The following NHLRC2 variants were observed in gnomAD, a reference collection of about 807,000 sequenced individuals.
The protein encoded by NHLRC2 is NHL repeat containing 2.
In NHLRC2, 33 loss-of-function variants were observed where a neutral mutation model predicts 68.1. The ratio of observed to expected loss-of-function variants is 0.48; its 90% CI spans 0.37 to 0.65. The LOEUF is 0.65. NHLRC2 is among the 30% of genes least tolerant of loss of function. NHLRC2 has a pLI of 0.00. For synonymous variants in NHLRC2, 311 were observed against 309.6 expected (o/e 1.00, Z -0.05); for missense variants, 761 against 853.8 (o/e 0.89, Z 1.35).
chr10:113,904,512 A>G (rs1392138042), intron 9 of NHLRC2, among the ~76,000 whole-genome samples: 1 of 152,214 alleles, frequency 6.6e-6, no homozygotes, highest in Non-Finnish European at 1.5e-5. Flanking sequence ...AAGAAAATGT[A>G]TATCTAGCAT....
Position 113,858,682 on chromosome 10 carries a change from T to C in NHLRC2, c.331+2T>C. On this transcript the variant is annotated splice_donor_variant, in intron 2 of 10. Coordinates refer to ENST00000369301, the MANE Select transcript of NHLRC2 (RefSeq NM_198514.4). LOFTEE classifies it high-confidence loss of function. ...TAGAACACACATACTCTGATAAAGG[T>C]ATCTGCTCTTTAATTAGTTTCTAAC... 2 of 1,606,228 alleles carry C rather than the reference T, an allele frequency of 1.2e-6. No individual in the cohort carries two copies. Among genetic ancestry groups the C allele is most frequent in the Non-Finnish European group, 1.7e-6 (2 of 1,173,788 alleles).
chr10:113,884,466 C>A, intron 5 of NHLRC2, 86 bp downstream of exon 5: 2 of 1,066,826 alleles, frequency 1.9e-6, no homozygotes, highest in South Asian at 1.5e-5. Flanking sequence ...CATTTGGATT[C>A]CATTACTAGT....
chr10:113,896,392 C>T (rs1846177941), intron 5 of NHLRC2, among the ~76,000 whole-genome samples: 1 of 151,824 alleles, frequency 6.6e-6, no homozygotes, highest in East Asian at 1.9e-4. Flanking sequence ...TGGAAATCAT[C>T]ATTCTCAGTA....
chr10:113,873,416 A>G (rs1333129213), intron 2 of NHLRC2, among the ~76,000 whole-genome samples: 2 of 152,156 alleles, frequency 1.3e-5, no homozygotes, highest in African/African-American at 4.8e-5. Flanking sequence ...GAGAAGCACA[A>G]CTGGGTATAA....
At chr10:113,906,312 T>G (rs938198238) in intron 10 of NHLRC2, among the ~76,000 whole-genome samples, 8 of 152,170 alleles carry the variant, frequency 5.3e-5, no homozygotes, top group African/African-American at 1.9e-4. Flanking sequence ...TATAGAGACT[T>G]TATCTAATTT....
rs55683621 is a variant in NHLRC2, at chr10:113,858,197, C to T, written c.179-331C>T. Among the ~76,000 whole-genome samples the T allele has an allele frequency of 2.6e-3, 402 of 152,072 alleles. 2 individuals are homozygous for T. The highest frequency in any genetic ancestry group is 9.3e-3 in the African/African-American group (387 of 41,502). ...CCATCCTCTACTCCTCCTGCTCCCC[C>T]ACCCGTACCCCCATCCCTTCCTTTT... is the stretch of plus-strand genomic sequence containing the variant. On this transcript the variant is annotated intron_variant, in intron 1 of 10. Transcript: ENST00000369301.
At chr10:113,873,720 C>T (rs1297485774) in intron 2 of NHLRC2, among the ~76,000 whole-genome samples, 1 of 152,134 alleles carries the variant, frequency 6.6e-6, no homozygotes, top group Non-Finnish European at 1.5e-5. Context: ...CCAGAAAGAA[C>T]GTGCAAACAT....
chr10:113,890,534 C>T (rs941482015), intron 5 of NHLRC2, among the ~76,000 whole-genome samples: 6 of 152,264 alleles, frequency 3.9e-5, no homozygotes, highest in African/African-American at 1.2e-4. Flanking sequence ...GAAATTCTCA[C>T]TCATTATCTC....
rs1367703638 is a variant in NHLRC2, at chr10:113,911,323, A to AT, written c.*2790dup. On this transcript the variant is annotated 3_prime_UTR_variant, in exon 11 of 11. Transcript: ENST00000369301. ...CTTGAACATTCTGTCTTAAGCAAAT[A>AT]TTTAACAAGAGAAAACTTTGTAGTT... is the stretch of plus-strand genomic sequence containing the variant. 2.6e-5 allele frequency: 4 copies of AT among 152,160 alleles called. No individual in the cohort carries two copies. The highest frequency in any genetic ancestry group is 3.2e-3 in the Middle Eastern group (1 of 316). The allele number at this position is 152,160 out of a possible 1,614,324, so 9.4% of individuals were successfully genotyped here.
chr10:113,885,868 T>G (rs1357227135), intron 5 of NHLRC2, among the ~76,000 whole-genome samples: 2 of 151,992 alleles, frequency 1.3e-5, no homozygotes, highest in African/African-American at 4.8e-5. Context: ...TACATTTTTA[T>G]ACTAGTGGTT....
chr10:113,855,114 C>T lies in NHLRC2; in HGVS notation c.178+64C>T. ...CCTCCCCTTCCTCGGGGACGGCGCCCTCCCGCGAAGCGGTGGGCTAGGCGG... is the reference window on the plus strand; with the variant it reads ...CCTCCCCTTCCTCGGGGACGGCGCCTTCCCGCGAAGCGGTGGGCTAGGCGG... On this transcript the variant is annotated intron_variant, in intron 1 of 10. Coordinates refer to ENST00000369301, the MANE Select transcript of NHLRC2 (RefSeq NM_198514.4). The T allele has an allele frequency of 3.5e-6, 5 of 1,416,094 alleles. No individual in the cohort carries two copies. In the South Asian group the frequency reaches 3.7e-5, roughly 11 times the overall value. The allele number at this position is 1,416,094 out of a possible 1,614,324, so 87.7% of individuals were successfully genotyped here. A position where few individuals can be genotyped will look rare whatever the true frequency, so the allele number is the denominator to read the frequency against.
chr10:113,879,748 T>TAGCAAATAC, intron 4 of NHLRC2, 53 bp downstream of exon 4: 1 of 1,142,774 alleles, frequency 8.8e-7, no homozygotes, highest in Non-Finnish European at 1.2e-6. Context: ...AAAGGAAATG[T>TAGCAAATAC]ATTTGCTACA....
At chr10:113,889,868 T>G (rs1207408089) in intron 5 of NHLRC2, among the ~76,000 whole-genome samples, 2 of 152,226 alleles carry the variant, frequency 1.3e-5, no homozygotes, top group South Asian at 2.1e-4. Flanking sequence ...ATCAGTAATT[T>G]GTTCTCTTTT....
At position 113,916,731 on chromosome 10, in the gene NHLRC2, T is replaced by G. The variant is rs1846389998; in HGVS notation, c.*8195T>G. ...TCCCATCTTTTGTATGGATAAAGTT[T>G]ATGGTTTCATTTCTGAGAATAGAGT... On this transcript the variant is annotated 3_prime_UTR_variant, in exon 11 of 11. Coordinates refer to ENST00000369301, the MANE Select transcript of NHLRC2 (RefSeq NM_198514.4). 1 of 152,204 alleles carries G rather than the reference T, an allele frequency of 6.6e-6. No individual in the cohort carries two copies. The highest frequency in any genetic ancestry group is 6.5e-5 in the Admixed American group (1 of 15,280). 9.4% of individuals were successfully genotyped at this position (152,204 alleles called of 1,614,324 possible).
At chr10:113,876,407 G>T (rs750930754) in intron 2 of NHLRC2, 114 bp from the exon 3 acceptor site, 2 of 579,256 alleles carry the variant, frequency 3.5e-6, no homozygotes, top group Middle Eastern at 4.7e-4. Flanking sequence ...TCTACTTTTC[G>T]TTTTTTTTTA....
At chr10:113,886,730 A>G (rs1470500755) in intron 5 of NHLRC2, among the ~76,000 whole-genome samples, 2 of 152,186 alleles carry the variant, frequency 1.3e-5, no homozygotes, top group African/African-American at 2.4e-5. Context: ...CCAACTCAAA[A>G]TAGATTAAAG....
At chr10:113,858,785 G>A (rs1163734689) in intron 2 of NHLRC2, 105 bp downstream of exon 2, 1 of 721,894 alleles carries the variant, frequency 1.4e-6, no homozygotes. Context: ...CAAGGCTTCA[G>A]GGATTCTAAA....
At chr10:113,856,309 TATCTC>T (rs905305868) in intron 1 of NHLRC2, among the ~76,000 whole-genome samples, 82 of 152,332 alleles carry the variant, frequency 5.4e-4, no homozygotes, top group African/African-American at 1.9e-3. Flanking sequence ...AGAATTCAGT[TATCTC>T]ATGGGAGGTA....
chr10:113,899,721 C>T lies in NHLRC2; in HGVS notation c.1139+1512C>T, dbSNP rs146365037. Reference sequence around the variant, plus strand: ...GATCACAAGGTCAGTAGTTCGAGACCAGAATGACAATATGGTGAAACCCCG... The same window carrying T: ...GATCACAAGGTCAGTAGTTCGAGACTAGAATGACAATATGGTGAAACCCCG... On this transcript the variant is annotated intron_variant, in intron 6 of 10. Transcript: ENST00000369301. Among the ~76,000 whole-genome samples, 921 of 152,068 alleles carry T rather than the reference C, an allele frequency of 6.1e-3. 8 individuals carry two copies. The highest frequency in any genetic ancestry group is 0.021 in the African/African-American group (865 of 41,478).
Sources: allele counts gnomAD v4.1 joint callset (sites outside exome capture counted in the v4.1 genomes callset), GRCh38; gene constraint gnomAD v4.1.1; transcripts MANE v1.5; gene names NCBI Gene and HGNC (gene_info 2026-07-23, HGNC 2026-07-21).